Variants in ZNF136 observed in about 807,000 individuals in gnomAD.
ZNF136 encodes the protein zinc finger protein 136.
In ZNF136, 8 loss-of-function variants were observed where a neutral mutation model predicts 11.4. That is an observed-to-expected ratio of 0.70 (90% CI 0.41 to 1.27). ZNF136 has a LOEUF of 1.27. Ranked by LOEUF, ZNF136 falls within the 50% of genes most tolerant of loss-of-function variation. ZNF136 has a pLI of 0.01. For missense variants in ZNF136, 590 were observed against 656.5 expected, an observed-to-expected ratio of 0.90 and a Z score of 1.11; for synonymous variants, 190 against 207.1, an observed-to-expected ratio of 0.92 and a Z score of 0.71.
Position 12,187,225 on chromosome 19 carries a change from A to G in ZNF136, c.847A>G (p.Lys283Glu). ...IHTGEKPFKC[K>E]QCGKAFSCSP... ...CACTGGAGAAAAACCCTTTAAATGT[A>G]AGCAATGTGGTAAAGCCTTCAGTTG... is the stretch of plus-strand genomic sequence containing the variant. The change falls in exon 4 of 4, where the codon AAG becomes GAG. Residue 283 changes from lysine to glutamate, a missense_variant. By Grantham distance (56) the Lys-to-Glu change is moderately conservative. Transcript: ENST00000343979. 1 of 1,613,902 alleles carries G rather than the reference A, an allele frequency of 6.2e-7. No homozygotes were observed. Among genetic ancestry groups the G allele is most frequent in the Non-Finnish European group, 8.5e-7 (1 of 1,179,964 alleles).
Position 12,186,877 on chromosome 19 carries a change from C to T in ZNF136, c.499C>T (p.Leu167Phe), listed in dbSNP as rs199680033. 45 of 1,613,944 alleles carry T rather than the reference C, an allele frequency of 2.8e-5. 1 individual carries two copies. The highest frequency in any genetic ancestry group is 3.5e-5 in the Non-Finnish European group (41 of 1,180,016). The change falls in exon 4 of 4, where the codon CTC (leucine) becomes TTC (phenylalanine). Residue 167 changes from leucine (L) to phenylalanine (F), a missense_variant. Physicochemically the swap from Leu to Phe is conservative, Grantham distance 22. Transcript: ENST00000343979. The part of the protein sequence containing the change: ...THEIIHTGEK[L>F]YDCKECGKTF... Reference sequence around the variant, plus strand: ...TGAGATAATTCACACTGGAGAGAAACTCTATGATTGTAAGGAATGTGGAAA... The same window carrying T: ...TGAGATAATTCACACTGGAGAGAAATTCTATGATTGTAAGGAATGTGGAAA...
At position 12,186,755 on chromosome 19, in the gene ZNF136, G is replaced by T. The variant is rs1313864416; in HGVS notation, c.377G>T (p.Gly126Val). The change falls in exon 4 of 4, where the codon GGA becomes GTA. Residue 126 changes from glycine to valine, a missense_variant. Physicochemically the swap from Gly to Val is moderately radical, Grantham distance 109. Coordinates refer to ENST00000343979, the MANE Select transcript of ZNF136 (RefSeq NM_003437.5). ...AATAGACACATCAAAGATCACAGTG[G>T]ACATGAACCAAAGGAATATCAGGAA... is the stretch of plus-strand genomic sequence containing the variant. ...SLNRHIKDHS[G>V]HEPKEYQEYG... The T allele has an allele frequency of 1.8e-5, 29 of 1,614,116 alleles. No individual in the cohort carries two copies. The highest frequency in any genetic ancestry group is 2.5e-5 in the Non-Finnish European group (29 of 1,180,012).
At position 12,187,722 on chromosome 19, in the gene ZNF136, TG is replaced by T. The variant is rs1915152927; in HGVS notation, c.1345del (p.Glu449SerfsTer20). 1 of 1,613,906 alleles carries T rather than the reference TG, an allele frequency of 6.2e-7. No individual in the cohort carries two copies. Among genetic ancestry groups the T allele is most frequent in the Non-Finnish European group, 8.5e-7 (1 of 1,179,932 alleles). On this transcript the variant is annotated frameshift_variant, in exon 4 of 4. Coordinates refer to ENST00000343979, the MANE Select transcript of ZNF136 (RefSeq NM_003437.5). LOFTEE classifies it low-confidence loss of function (END_TRUNC). ...GAACTCATACTGGAGAGAAACCCTA[TG>T]AGTGTAAGCAATGTGGGAAAGCCTT... ...ERTHTGEKPYECKQCGKAFSY... is the reference protein window; with the variant it reads ...ERTHTGEKPYXCKQCGKAFSY...
chr19:12,185,149 T>C (rs1457260526), intron 1 of ZNF136: 2 of 152,236 alleles, frequency 1.3e-5, no homozygotes, highest in Non-Finnish European at 2.9e-5. Flanking sequence ...AATTAAGTGG[T>C]GGGTTATTTA....
At position 12,182,903 on chromosome 19, in the gene ZNF136, C is replaced by T. The variant is rs562182961; in HGVS notation, c.4-2882C>T. Among the ~76,000 whole-genome samples the T allele has an allele frequency of 5.3e-5, 8 of 152,086 alleles. No homozygotes were observed. The South Asian group carries it at 1.7e-3, about 32-fold the overall frequency. ...TGTGTTCCAGGTTAGAGTGGCCTTC[C>T]CTGATTTTGTCACCTTAAGAAGATT... On this transcript the variant is annotated intron_variant, in intron 1 of 3. Coordinates refer to ENST00000343979, the MANE Select transcript of ZNF136 (RefSeq NM_003437.5).
Position 12,163,171 on chromosome 19 carries a change from AGGGAGGAAGCTGGGACACCC to A in ZNF136, c.-27_-8del. On this transcript the variant is annotated 5_prime_UTR_variant, in exon 1 of 4. Coordinates refer to ENST00000343979, the MANE Select transcript of ZNF136 (RefSeq NM_003437.5). ...TTCCTGTACCTGCCTTGGGATCCGG[AGGGAGGAAGCTGGGACACCC>A]GGGAGTCAGGAAATGGTGAGTGTGT... The A allele has an allele frequency of 7.2e-7, 1 of 1,398,032 alleles. No homozygotes were observed. The highest frequency in any genetic ancestry group is 9.4e-7 in the Non-Finnish European group (1 of 1,068,690). 86.6% of individuals were successfully genotyped at this position (1,398,032 alleles called of 1,614,324 possible).
intron 1 of ZNF136, among the ~76,000 whole-genome samples, chr19:12,169,579 A>T (rs895317778): frequency 2.0e-5 from 3 of 150,634 alleles, no homozygotes; most frequent in African/African-American, 7.3e-5. Context: ...CCTTCTCTGT[A>T]CCCAGAGGTG....
chr19:12,164,905 G>A (rs1384506652), intron 1 of ZNF136: 1 of 152,208 alleles, frequency 6.6e-6, no homozygotes. Flanking sequence ...AATGCAACAC[G>A]GGACCCTGGA....
At chr19:12,177,042 C>T (rs1275585438) in intron 1 of ZNF136, among the ~76,000 whole-genome samples, 1 of 152,158 alleles carries the variant, frequency 6.6e-6, no homozygotes, top group African/African-American at 2.4e-5. Context: ...CATCTTTTAG[C>T]ATGTTAAATA....
chr19:12,168,086 T>TTTTG (rs1224518608), intron 1 of ZNF136, among the ~76,000 whole-genome samples: 2 of 140,216 alleles, frequency 1.4e-5, no homozygotes, highest in Non-Finnish European at 3.1e-5. Context: ...TTTTTTTTTT[T>TTTTG]TGTGAGACGG....
chr19:12,175,147 T>A (rs974421727), intron 1 of ZNF136, among the ~76,000 whole-genome samples: 1 of 151,752 alleles, frequency 6.6e-6, no homozygotes, highest in African/African-American at 2.4e-5. Context: ...AAAGAGCAAG[T>A]GAAAGGAGGT....
Position 12,186,115 on chromosome 19 carries a change from G to A in ZNF136, c.132G>A (p.Gly44=). 4 of 1,606,502 alleles carry A rather than the reference G, an allele frequency of 2.5e-6. No homozygotes were observed. Among genetic ancestry groups the A allele is most frequent in the East Asian group, 2.2e-5 (1 of 44,832 alleles). ...WETMRNLASI[G]KKWKDQNIKD... Reference sequence around the variant, plus strand: ...AATTTTTCTGGGTCTCTGTTTTAGGGAAAAAATGGAAGGACCAGAACATTA... The same window carrying A: ...AATTTTTCTGGGTCTCTGTTTTAGGAAAAAAATGGAAGGACCAGAACATTA... The change falls in exon 3 of 4, where the codon GGG becomes GGA. Residue 44 remains glycine, a splice_region_variant and synonymous_variant. Coordinates refer to ENST00000343979, the MANE Select transcript of ZNF136 (RefSeq NM_003437.5).
chr19:12,168,051 C>CTTTTTTTTTTTTTTTTTTTTTTTTTTTTT (rs1914525834), intron 1 of ZNF136, among the ~76,000 whole-genome samples: 1 of 61,676 alleles, frequency 1.6e-5, no homozygotes, highest in African/African-American at 5.7e-5. Context: ...TTTTTCTTTT[C>CTTTTTTTTTTTTTTTTTTTTTTTTTTTTT]TTTTTCTTTT....
chr19:12,174,130 C>T (rs1463462625), intron 1 of ZNF136, among the ~76,000 whole-genome samples: 1 of 152,152 alleles, frequency 6.6e-6, no homozygotes, highest in Non-Finnish European at 1.5e-5. Flanking sequence ...GTCTCAATCT[C>T]CTGGCCTCAG....
At chr19:12,175,677 G>T (rs1181209700) in intron 1 of ZNF136, among the ~76,000 whole-genome samples, 1 of 152,126 alleles carries the variant, frequency 6.6e-6, no homozygotes, top group Non-Finnish European at 1.5e-5. Flanking sequence ...CCAAAGTCTA[G>T]CCTACATTAG....
chr19:12,182,658 T>G (rs781360801), intron 1 of ZNF136, among the ~76,000 whole-genome samples: 26 of 152,164 alleles, frequency 1.7e-4, no homozygotes, highest in Non-Finnish European at 3.4e-4. Context: ...TCTCTCAGAG[T>G]ACTTGAAGGG....
intron 1 of ZNF136, chr19:12,184,833 TA>T (rs1915043243): frequency 6.6e-6 from 1 of 152,110 alleles, no homozygotes; most frequent in Non-Finnish European, 1.5e-5. Flanking sequence ...ATTTTTTCCA[TA>T]AAGAGTTTAG....
intron 1 of ZNF136, among the ~76,000 whole-genome samples, chr19:12,175,756 A>G (rs890699821): frequency 6.6e-6 from 1 of 152,196 alleles, no homozygotes; most frequent in Non-Finnish European, 1.5e-5. Flanking sequence ...GTTATGGTGT[A>G]ATACAGAGTA....
chr19:12,174,602 G>T (rs1266693790), intron 1 of ZNF136, among the ~76,000 whole-genome samples: 4 of 152,090 alleles, frequency 2.6e-5, no homozygotes, highest in African/African-American at 9.7e-5. Context: ...AATAACCACA[G>T]ACTGGATGCC....
Sources: allele counts gnomAD v4.1 joint callset (sites outside exome capture counted in the v4.1 genomes callset), GRCh38; gene constraint gnomAD v4.1.1; transcripts MANE v1.5; gene names NCBI Gene and HGNC (gene_info 2026-07-23, HGNC 2026-07-21).